The following ZNF75A variants were observed in gnomAD, a reference collection of about 807,000 sequenced individuals.
ZNF75A encodes the protein zinc finger protein 75A.
A neutral mutation model predicts 46.3 loss-of-function variants in ZNF75A; 36 were observed. That is an observed-to-expected ratio of 0.78 (90% CI 0.60 to 1.03). The LOEUF (loss-of-function observed/expected upper bound fraction) is 1.03, where lower values mean the gene tolerates loss of function less well. Ranked by LOEUF, ZNF75A falls within the 50% of genes least tolerant of loss-of-function variation. The probability of loss-of-function intolerance (pLI) is 0.00; values close to 1 mark genes in which losing one functional copy is unlikely to be tolerated. For synonymous variants in ZNF75A, 234 were observed against 189.9 expected (o/e 1.23, Z -1.91); for missense variants, 595 against 551.3 (o/e 1.08, Z -0.79).
chr16:3,318,463 A>G lies in ZNF75A; in HGVS notation c.*594A>G. 1.0e-6 allele frequency: 1 copy of G among 985,436 alleles called. No individual in the cohort carries two copies. Among genetic ancestry groups the G allele is most frequent in the Non-Finnish European group, 1.2e-6 (1 of 829,966 alleles). The allele number at this position is 985,436 out of a possible 1,614,324, so 61.0% of individuals were successfully genotyped here. Reference sequence around the variant, plus strand: ...TATGCCTCTCATTGGTGATGTTTGGAAAATAGAAGACATCTCTAATGGAAT... The same window carrying G: ...TATGCCTCTCATTGGTGATGTTTGGGAAATAGAAGACATCTCTAATGGAAT... On this transcript the variant is annotated 3_prime_UTR_variant, in exon 7 of 7. Transcript: ENST00000669516.
At position 3,317,944 on chromosome 16, in the gene ZNF75A, A is replaced by AAAAATC; in HGVS notation, c.*77_*82dup. On this transcript the variant is annotated 3_prime_UTR_variant, in exon 7 of 7. Transcript: ENST00000669516. ...CTTGGCACTAAAATTTATGTAAAAG[A>AAAAATC]AAAATCACAAACCTTGAAAAATTTT... 1 of 1,496,338 alleles carries AAAAATC rather than the reference A, an allele frequency of 6.7e-7. No individual in the cohort carries two copies. The highest frequency in any genetic ancestry group is 8.9e-7 in the Non-Finnish European group (1 of 1,127,942). The allele number at this position is 1,496,338 out of a possible 1,614,324, so 92.7% of individuals were successfully genotyped here. A position where few individuals can be genotyped will look rare whatever the true frequency, so the allele number is the denominator to read the frequency against.
intron 5 of ZNF75A, chr16:3,314,858 CTG>C: frequency 8.1e-6 from 8 of 985,408 alleles, no homozygotes; most frequent in Non-Finnish European, 9.6e-6. Flanking sequence ...AACTGTAAGA[CTG>C]TCATTTGTCT....
At position 3,314,797 on chromosome 16, in the gene ZNF75A, G is replaced by A. The variant is rs74003368; in HGVS notation, c.823+1622G>A. The A allele has an allele frequency of 7.6e-3, 7,457 of 985,326 alleles. 433 individuals carry two copies. The African/African-American group carries it at 0.12, about 16-fold the overall frequency. The allele number at this position is 985,326 out of a possible 1,614,324, so 61.0% of individuals were successfully genotyped here. On this transcript the variant is annotated intron_variant, in intron 5 of 6. Coordinates refer to ENST00000669516, the MANE Select transcript of ZNF75A (RefSeq NM_001302109.2). ...CATATATTTTTCTCAGGAAGAATTG[G>A]AGTTACTGGATTACACTCAGAAGGC...
Position 3,318,118 on chromosome 16 carries a change from C to A in ZNF75A, c.*249C>A, listed in dbSNP as rs761697439. ...CATTTTTGAACACATCCAATAGAAA[C>A]ATTGGCAGCATGGTCTTCCAAAACA... On this transcript the variant is annotated 3_prime_UTR_variant, in exon 7 of 7. Transcript: ENST00000669516. The A allele has an allele frequency of 8.1e-7, 1 of 1,232,354 alleles. No homozygotes were observed. The highest frequency in any genetic ancestry group is 4.0e-5 in the Admixed American group (1 of 25,248). The allele number at this position is 1,232,354 out of a possible 1,614,324, so 76.3% of individuals were successfully genotyped here. A position where few individuals can be genotyped will look rare whatever the true frequency, so the allele number is the denominator to read the frequency against.
At chr16:3,321,548 C>G (rs2029946691), downstream of ZNF75A, among the ~76,000 whole-genome samples, 1 of 152,162 alleles carries the variant, frequency 6.6e-6, no homozygotes, top group Non-Finnish European at 1.5e-5. Flanking sequence ...TCACCACAGC[C>G]TCGATCTCCC....
chr16:3,316,010 A>G (rs192419007), intron 5 of ZNF75A: 2 of 152,066 alleles, frequency 1.3e-5, no homozygotes, highest in African/African-American at 2.4e-5. Flanking sequence ...ATGTGACAAA[A>G]CTCACTTTTA....
At chr16:3,319,771 C>G (rs1488645566), downstream of ZNF75A, among the ~76,000 whole-genome samples, 1 of 150,276 alleles carries the variant, frequency 6.7e-6, no homozygotes, top group East Asian at 2.0e-4. Flanking sequence ...GAGCCTCTGG[C>G]TGAAGCTTTT....
chr16:3,313,493 T>C (rs1960964218), intron 5 of ZNF75A, among the ~76,000 whole-genome samples: 1 of 152,234 alleles, frequency 6.6e-6, no homozygotes, highest in African/African-American at 2.4e-5. Flanking sequence ...ACAGTTTTCC[T>C]TTATTCTGAT....
At chr16:3,322,645 G>A (rs111411301), downstream of ZNF75A, among the ~76,000 whole-genome samples, 2,098 of 152,212 alleles carry the variant, frequency 0.014, 57 homozygotes, top group African/African-American at 0.048. Flanking sequence ...CAATCTTAGC[G>A]CTGACATTAA....
chr16:3,321,193 T>A (rs2029925522), downstream of ZNF75A, among the ~76,000 whole-genome samples: 1 of 152,258 alleles, frequency 6.6e-6, no homozygotes, highest in African/African-American at 2.4e-5. Flanking sequence ...CACATAATCC[T>A]AGGTTTAGCC....
chr16:3,312,086 C>T, intron 3 of ZNF75A, 138 bp downstream of exon 3: 1 of 249,582 alleles, frequency 4.0e-6, no homozygotes. Flanking sequence ...TGATGTCCTT[C>T]CAGGCAGCAG....
At chr16:3,323,226 C>T, downstream of ZNF75A, 1 of 754,646 alleles carries the variant, frequency 1.3e-6, no homozygotes, top group Non-Finnish European at 2.4e-6. Context: ...GCATTCACCC[C>T]AATAGCCAGA....
At chr16:3,321,671 G>A (rs970063280), downstream of ZNF75A, among the ~76,000 whole-genome samples, 15 of 152,078 alleles carry the variant, frequency 9.9e-5, no homozygotes, top group Non-Finnish European at 2.2e-4. Flanking sequence ...GTCTTGCTAT[G>A]TTGCCCAGGC....
rs1960922069 is a variant in ZNF75A at position 3,312,950 on chromosome 16, T to C, written c.697-99T>C. 2.8e-6 allele frequency: 4 copies of C among 1,416,292 alleles called. No homozygotes were observed. The African/African-American group carries it at 5.8e-5, about 21-fold the overall frequency. The allele number at this position is 1,416,292 out of a possible 1,614,324, so 87.7% of individuals were successfully genotyped here. On this transcript the variant is annotated intron_variant, in intron 4 of 6. Transcript: ENST00000669516. ...GCCTTCTCACTTAAAAAAATCATGTTCTTTTAATTCCTTTATCGCCTGGCC... is the reference window on the plus strand; with the variant it reads ...GCCTTCTCACTTAAAAAAATCATGTCCTTTTAATTCCTTTATCGCCTGGCC...
rs565768303 is a variant in ZNF75A at position 3,316,771 on chromosome 16, C to G, written c.824-141C>G. Reference sequence around the variant, plus strand: ...AGTATAACATAGTATAAACGTGATACTTAATCTTGGAGTCTATCCATTTAA... The same window carrying G: ...AGTATAACATAGTATAAACGTGATAGTTAATCTTGGAGTCTATCCATTTAA... On this transcript the variant is annotated intron_variant, in intron 5 of 6. Transcript: ENST00000669516. 4 of 606,858 alleles carry G rather than the reference C, an allele frequency of 6.6e-6. No homozygotes were observed. The African/African-American group carries it at 7.4e-5, about 11-fold the overall frequency. 37.6% of individuals were successfully genotyped at this position (606,858 alleles called of 1,614,324 possible). A position where few individuals can be genotyped will look rare whatever the true frequency, so the allele number is the denominator to read the frequency against.
rs1029171565 is a variant in ZNF75A at position 3,308,335 on chromosome 16, T to C, written c.-94T>C. The C allele has an allele frequency of 1.1e-6, 1 of 884,822 alleles. No homozygotes were observed. The highest frequency in any genetic ancestry group is 1.8e-5 in the African/African-American group (1 of 55,192). The allele number at this position is 884,822 out of a possible 1,614,324, so 54.8% of individuals were successfully genotyped here. On this transcript the variant is annotated 5_prime_UTR_variant, in exon 2 of 7. Transcript: ENST00000669516. ...CAGTGCTTTTAGGAAGAAGATCCTTTTATTGCTTTTGTACAAGACCAGACA... is the reference window on the plus strand; with the variant it reads ...CAGTGCTTTTAGGAAGAAGATCCTTCTATTGCTTTTGTACAAGACCAGACA...
chr16:3,306,209 A>G (rs1960218799), intron 1 of ZNF75A: 1 of 152,076 alleles, frequency 6.6e-6, no homozygotes, highest in Non-Finnish European at 1.5e-5. Flanking sequence ...CCCCCCTTAG[A>G]AGTCTAAATG....
chr16:3,308,936 T>G, intron 2 of ZNF75A, 100 bp downstream of exon 2: 1 of 786,284 alleles, frequency 1.3e-6, no homozygotes, highest in Non-Finnish European at 1.5e-6. Context: ...ATTAGGTAGG[T>G]CATTGTTTGG....
rs1426354705 is a variant in ZNF75A at position 3,308,762 on chromosome 16, C to T, written c.334C>T (p.His112Tyr). 9.1e-6 allele frequency: 9 copies of T among 987,566 alleles called. No homozygotes were observed. Among genetic ancestry groups the T allele is most frequent in the African/African-American group, 8.7e-5 (5 of 57,266 alleles). 61.2% of individuals were successfully genotyped at this position (987,566 alleles called of 1,614,324 possible). ...RETQTQMQKHHPQSIEEAVAL... is the reference protein window; with the variant it reads ...RETQTQMQKHYPQSIEEAVAL... ...GACACAGACCCAGATGCAGAAGCAC[C>T]ATCCACAGAGCATTGAGGAGGCTGT... The change falls in exon 2 of 7, where the codon CAT (histidine) becomes TAT (tyrosine). Residue 112 changes from histidine to tyrosine, a missense_variant. By Grantham distance (83) the His-to-Tyr change is moderately conservative. Coordinates refer to ENST00000669516, the MANE Select transcript of ZNF75A (RefSeq NM_001302109.2).
Sources: allele counts gnomAD v4.1 joint callset (sites outside exome capture counted in the v4.1 genomes callset), GRCh38; gene constraint gnomAD v4.1.1; transcripts MANE v1.5; gene names NCBI Gene and HGNC (gene_info 2026-07-23, HGNC 2026-07-21).